The following MPDZ variants were observed in gnomAD, a reference collection of about 807,000 sequenced individuals.
The protein encoded by MPDZ is multiple PDZ domain protein.
A neutral mutation model predicts 239.1 loss-of-function variants in MPDZ; 234 were observed. The ratio of observed to expected loss-of-function variants is 0.98; its 90% CI spans 0.88 to 1.09. The LOEUF is 1.09. Among genes scored for constraint, MPDZ ranks in the 50% least tolerant of loss-of-function variants. MPDZ has a pLI of 0.00. For synonymous variants in MPDZ, 1,048 were observed against 881.3 expected (o/e 1.19, Z -3.35); for missense variants, 3,175 against 2,510.0 (o/e 1.26, Z -5.66).
chr9:13,177,730 G>C (rs1952688016), intron 19 of MPDZ, among the ~76,000 whole-genome samples: 1 of 152,038 alleles, frequency 6.6e-6, no homozygotes, highest in Non-Finnish European at 1.5e-5. Flanking sequence ...GTTAGAGCTT[G>C]GACAAGTTAC....
At chr9:13,257,820 T>C (rs1462053104) in intron 1 of MPDZ, among the ~76,000 whole-genome samples, 4 of 152,248 alleles carry the variant, frequency 2.6e-5, no homozygotes, top group Non-Finnish European at 1.5e-5. Context: ...TTTTTTAGTG[T>C]ATGTCCCATG....
intron 29 of MPDZ, 107 bp from the exon 30 acceptor site, chr9:13,136,910 T>A (rs1946900056): frequency 1.8e-6 from 1 of 568,414 alleles, no homozygotes; most frequent in African/African-American, 1.9e-5. Context: ...TTAAAATATA[T>A]TTTATATTAA....
intron 41 of MPDZ, 54 bp from the exon 42 acceptor site, chr9:13,113,108 T>C (rs1404842577): frequency 2.0e-6 from 3 of 1,465,982 alleles, no homozygotes; most frequent in Non-Finnish European, 2.8e-6. Context: ...TCACTTTTTA[T>C]GTTCGTTAAA....
At chr9:13,238,365 G>A (rs746134639) in intron 3 of MPDZ, among the ~76,000 whole-genome samples, 80 of 152,232 alleles carry the variant, frequency 5.3e-4, no homozygotes, top group Middle Eastern at 3.4e-3. Context: ...CCCTCGAACC[G>A]TGTAAACAAC....
At chr9:13,230,857 G>T (rs1442570831) in intron 3 of MPDZ, among the ~76,000 whole-genome samples, 4 of 152,076 alleles carry the variant, frequency 2.6e-5, no homozygotes, top group African/African-American at 9.7e-5. Flanking sequence ...AGAAATGTTG[G>T]ATATGCAGCT....
intron 10 of MPDZ, among the ~76,000 whole-genome samples, chr9:13,215,438 G>GAT (rs55720256): frequency 0.069 from 10,142 of 146,782 alleles, 559 homozygotes; most frequent in African/African-American, 0.16. Flanking sequence ...GTGTATATAT[G>GAT]ATATATATAT....
At chr9:13,198,069 A>C (rs1955880041) in intron 12 of MPDZ, among the ~76,000 whole-genome samples, 1 of 152,140 alleles carries the variant, frequency 6.6e-6, no homozygotes, top group Non-Finnish European at 1.5e-5. Flanking sequence ...GGGTACGGAT[A>C]TCTCTTTGCT....
At chr9:13,267,744 G>A (rs867059295) in intron 1 of MPDZ, among the ~76,000 whole-genome samples, 1 of 152,144 alleles carries the variant, frequency 6.6e-6, no homozygotes, top group Non-Finnish European at 1.5e-5. Flanking sequence ...AAGCTGAAAG[G>A]GAGAAGGGAT....
intron 12 of MPDZ, among the ~76,000 whole-genome samples, chr9:13,198,735 CTCTGTG>C (rs1449872802): frequency 0.013 from 221 of 17,130 alleles, 3 homozygotes; most frequent in African/African-American, 0.016. Flanking sequence ...TAATCTCTCT[CTCTGTG>C]TGTGTGTGTG....
chr9:13,179,700 A>C (rs1274621560), intron 19 of MPDZ, among the ~76,000 whole-genome samples: 1 of 152,192 alleles, frequency 6.6e-6, no homozygotes, highest in African/African-American at 2.4e-5. Context: ...ATGTGACTTC[A>C]CTTGATATAT....
Position 13,222,228 on chromosome 9 carries a change from C to G in MPDZ, c.747+5G>C. The G allele has an allele frequency of 6.2e-7, 1 of 1,605,462 alleles. No individual in the cohort carries two copies. The highest frequency in any genetic ancestry group is 8.5e-7 in the Non-Finnish European group (1 of 1,175,506). On this transcript the variant is annotated splice_donor_5th_base_variant and intron_variant, in intron 6 of 46. Coordinates refer to ENST00000319217, the MANE Select transcript of MPDZ (RefSeq NM_001378778.1). Reference sequence around the variant, plus strand: ...CTGTTCCTTTTGAAAATTTTAGGTACTCACCGGATTAGAGTGAGCTGAAAT... The same window carrying G: ...CTGTTCCTTTTGAAAATTTTAGGTAGTCACCGGATTAGAGTGAGCTGAAAT...
intron 39 of MPDZ, 86 bp from the exon 40 acceptor site, chr9:13,115,420 A>C (rs1035871308): frequency 8.6e-7 from 1 of 1,162,590 alleles, no homozygotes. Flanking sequence ...ACTCTTCAAG[A>C]CTTTTTTGAA....
intron 10 of MPDZ, among the ~76,000 whole-genome samples, chr9:13,208,666 G>T (rs988582908): frequency 1.3e-5 from 2 of 148,304 alleles, no homozygotes; most frequent in African/African-American, 2.5e-5. Flanking sequence ...GTTTATATAG[G>T]ATATATATAT....
At chr9:13,269,110 A>T (rs1236248737) in intron 1 of MPDZ, among the ~76,000 whole-genome samples, 1 of 152,202 alleles carries the variant, frequency 6.6e-6, no homozygotes, top group African/African-American at 2.4e-5. Flanking sequence ...GGCAATCAAA[A>T]GGACTCAGTG....
intron 19 of MPDZ, among the ~76,000 whole-genome samples, chr9:13,179,239 C>T (rs781159768): frequency 9.2e-5 from 14 of 152,084 alleles, no homozygotes; most frequent in Non-Finnish European, 1.8e-4. Flanking sequence ...GCTCCCTCAC[C>T]CAACTTTGAT....
chr9:13,113,006 G>A lies in MPDZ; in HGVS notation c.5601+5C>T. On this transcript the variant is annotated splice_donor_5th_base_variant and intron_variant, in intron 42 of 46. Transcript: ENST00000319217. ...GGTTTATATTGTTTTCTCTCCCCAA[G>A]TTACCTTTTTCATTTCGACTGTTCT... The A allele has an allele frequency of 1.9e-6, 3 of 1,582,204 alleles. No individual in the cohort carries two copies. Among genetic ancestry groups the A allele is most frequent in the South Asian group, 2.3e-5 (2 of 86,854 alleles).
At chr9:13,119,678 T>TCTTTTGCTCAACTGTA (rs770920457) in intron 38 of MPDZ, 29 bp from the exon 39 acceptor site, 1 of 1,613,744 alleles carries the variant, frequency 6.2e-7, no homozygotes, top group East Asian at 2.2e-5. Context: ...TTCAACATTA[T>TCTTTTGCTCAACTGTA]CTTTTGCTCA....
intron 3 of MPDZ, among the ~76,000 whole-genome samples, chr9:13,238,460 G>A (rs146318863): frequency 5.9e-5 from 9 of 152,154 alleles, no homozygotes; most frequent in East Asian, 3.9e-4. Flanking sequence ...TGCTGCAGTC[G>A]GCTGCCTTGC....
intron 26 of MPDZ, among the ~76,000 whole-genome samples, chr9:13,146,455 T>C (rs1043951848): frequency 6.6e-6 from 1 of 152,110 alleles, no homozygotes. Context: ...AAGTTAAAAT[T>C]AAATATATTT....
Sources: allele counts gnomAD v4.1 joint callset (sites outside exome capture counted in the v4.1 genomes callset), GRCh38; gene constraint gnomAD v4.1.1; transcripts MANE v1.5; gene names NCBI Gene and HGNC (gene_info 2026-07-23, HGNC 2026-07-21).